Variants in CATSPERT observed in about 807,000 individuals in gnomAD.
CATSPERT encodes cation channel sperm-associated targeting subunit tau.
chr2:201,536,187 G>C, the CATSPERT span: 1 of 1,613,476 alleles, frequency 6.2e-7, no homozygotes, highest in South Asian at 1.1e-5. Flanking sequence ...GTTAGAAATA[G>C]TGCACAATGA....
At chr2:201,544,480 T>G in the CATSPERT span, among the ~76,000 whole-genome samples, 10 of 152,126 alleles carry the variant, frequency 6.6e-5, no homozygotes, top group Admixed American at 2.0e-4. Context: ...TACTTTATGA[T>G]AAATTCTCAA....
chr2:201,565,893 G>A, the CATSPERT span: 10 of 1,560,402 alleles, frequency 6.4e-6, no homozygotes, highest in Non-Finnish European at 8.7e-6. Flanking sequence ...ATAATAAAGT[G>A]AAATATTGAA....
chr2:201,594,194 C>A, the CATSPERT span, among the ~76,000 whole-genome samples: 412 of 152,264 alleles, frequency 2.7e-3, 3 homozygotes, highest in South Asian at 0.029. Context: ...AATCTCTCAG[C>A]ATTTGCTTGT....
the CATSPERT span, among the ~76,000 whole-genome samples, chr2:201,613,185 A>G: frequency 1.3e-5 from 2 of 152,248 alleles, no homozygotes; most frequent in African/African-American, 4.8e-5. Flanking sequence ...TCCCTGTCTG[A>G]CAGCTTTGAA....
the CATSPERT span, among the ~76,000 whole-genome samples, chr2:201,516,599 A>T: frequency 6.6e-6 from 1 of 152,162 alleles, no homozygotes; most frequent in Non-Finnish European, 1.5e-5. Context: ...ACCAGACCAT[A>T]TCATGTGGTC....
the CATSPERT span, among the ~76,000 whole-genome samples, chr2:201,588,744 T>C: frequency 6.6e-6 from 1 of 151,830 alleles, no homozygotes; most frequent in African/African-American, 2.4e-5. Flanking sequence ...CAACATAGCA[T>C]TGGAAATCCT....
the CATSPERT span, among the ~76,000 whole-genome samples, chr2:201,489,347 A>T: frequency 6.6e-6 from 1 of 152,178 alleles, no homozygotes; most frequent in Non-Finnish European, 1.5e-5. Context: ...AAATTCAGAA[A>T]ATCCTCTTTG....
chr2:201,534,364 G>A, the CATSPERT span: 41 of 961,780 alleles, frequency 4.3e-5, no homozygotes, highest in Middle Eastern at 2.7e-3. Flanking sequence ...AGGTTTTGGA[G>A]TGGTTTGTTA....
At chr2:201,519,372 G>A in the CATSPERT span, among the ~76,000 whole-genome samples, 1 of 150,868 alleles carries the variant, frequency 6.6e-6, no homozygotes, top group Non-Finnish European at 1.5e-5. Flanking sequence ...AAACAAATAA[G>A]TCTTTCCCTA....
chr2:201,521,722 T>C, the CATSPERT span, among the ~76,000 whole-genome samples: 1 of 152,118 alleles, frequency 6.6e-6, no homozygotes, highest in African/African-American at 2.4e-5. Context: ...TACAGGCCAA[T>C]ATCCCTGATT....
At chr2:201,534,039 A>AT in the CATSPERT span, among the ~76,000 whole-genome samples, 2 of 131,154 alleles carry the variant, frequency 1.5e-5, no homozygotes, top group African/African-American at 5.9e-5. Flanking sequence ...AGATCTGTAT[A>AT]TTATCTATCT....
chr2:201,618,535 A>G, the CATSPERT span, among the ~76,000 whole-genome samples: 3 of 136,248 alleles, frequency 2.2e-5, no homozygotes, highest in Non-Finnish European at 3.1e-5. Context: ...ACGGGGGGGG[A>G]ACATCACACA....
At chr2:201,539,952 G>A in the CATSPERT span, among the ~76,000 whole-genome samples, 3 of 152,122 alleles carry the variant, frequency 2.0e-5, no homozygotes, top group Admixed American at 6.6e-5. Context: ...TGACAAAAGC[G>A]AGAAGTGCTA....
chr2:201,601,633 T>A, the CATSPERT span: 1 of 1,079,772 alleles, frequency 9.3e-7, no homozygotes, highest in African/African-American at 1.6e-5. Flanking sequence ...AGGCACTTAC[T>A]GCTTTTGTTT....
the CATSPERT span, among the ~76,000 whole-genome samples, chr2:201,537,056 T>G: frequency 6.6e-6 from 1 of 152,008 alleles, no homozygotes; most frequent in Non-Finnish European, 1.5e-5. Flanking sequence ...TTATTTCTAT[T>G]TTAAACTATA....
chr2:201,573,829 G>T, the CATSPERT span, among the ~76,000 whole-genome samples: 1 of 151,988 alleles, frequency 6.6e-6, no homozygotes, highest in African/African-American at 2.4e-5. Flanking sequence ...GCTAATTTTT[G>T]TATTTTTAGT....
At chr2:201,601,041 C>T in the CATSPERT span, among the ~76,000 whole-genome samples, 4 of 85,582 alleles carry the variant, frequency 4.7e-5, no homozygotes, top group South Asian at 6.4e-4. Context: ...TGAGTCACTG[C>T]GCCCAGCCAT....
At chr2:201,503,345 A>C in the CATSPERT span, among the ~76,000 whole-genome samples, 3 of 152,130 alleles carry the variant, frequency 2.0e-5, no homozygotes, top group African/African-American at 7.2e-5. Flanking sequence ...TTCCTGCTTG[A>C]GCCTCCTGAG....
At chr2:201,495,081 C>T in the CATSPERT span, among the ~76,000 whole-genome samples, 1 of 152,002 alleles carries the variant, frequency 6.6e-6, no homozygotes, top group Admixed American at 6.6e-5. Flanking sequence ...AGCTTCATTT[C>T]CTTAGACAAT....
Sources: gnomAD v4.1 joint callset for allele counts (sites outside exome capture counted in the v4.1 genomes callset) on GRCh38, gnomAD v4.1.1 for gene constraint, MANE v1.5 for transcripts, NCBI Gene and HGNC (gene_info 2026-07-23, HGNC 2026-07-21) for gene names.